Variants in CEP85 observed in about 807,000 individuals in gnomAD.
The protein encoded by CEP85 is centrosomal protein 85.
CEP85 carries 58 observed loss-of-function variants against 93.7 expected under a neutral mutation model. The ratio of observed to expected loss-of-function variants is 0.62; its 90% CI spans 0.50 to 0.77. The LOEUF (loss-of-function observed/expected upper bound fraction) is 0.77. CEP85 is among the 30% of genes least tolerant of loss of function. CEP85 has a pLI of 0.00. For missense variants in CEP85, 868 were observed against 922.0 expected (o/e 0.94, Z 0.76); for synonymous variants, 314 against 338.6 (o/e 0.93, Z 0.80).
rs2089287959 is a variant in CEP85, at chr1:26,234,273, C to G, written c.-60C>G. On this transcript the variant is annotated 5_prime_UTR_variant, in exon 1 of 14. Coordinates refer to ENST00000451429, the MANE Select transcript of CEP85 (RefSeq NM_001319944.2). ...AGACGTGGTGGCTGCAGTCAGTCTTCCCGAGTGAGGGATTTCGCCGCCCGC... is the reference window on the plus strand; with the variant it reads ...AGACGTGGTGGCTGCAGTCAGTCTTGCCGAGTGAGGGATTTCGCCGCCCGC... 6.6e-6 allele frequency: 1 copy of G among 152,252 alleles called. No homozygotes were observed. The highest frequency in any genetic ancestry group is 1.5e-5 in the Non-Finnish European group (1 of 68,092). The allele number at this position is 152,252 out of a possible 1,614,324, so 9.4% of individuals were successfully genotyped here. A position where few individuals can be genotyped will look rare whatever the true frequency, so the allele number is the denominator to read the frequency against.
Position 26,278,371 on chromosome 1 carries a change from T to C in CEP85, c.*1078T>C, listed in dbSNP as rs1197384109. On this transcript the variant is annotated 3_prime_UTR_variant, in exon 14 of 14. Coordinates refer to ENST00000451429, the MANE Select transcript of CEP85 (RefSeq NM_001319944.2). ...TCCTGGTTTAGGGAGCATCTCACAC[T>C]TGTTAGTATCTGGTTGTTGGGCCAG... 6.5e-6 allele frequency: 1 copy of C among 152,676 alleles called. No homozygotes were observed. The highest frequency in any genetic ancestry group is 2.4e-5 in the African/African-American group (1 of 41,460). The allele number at this position is 152,676 out of a possible 1,614,324, so 9.5% of individuals were successfully genotyped here.
chr1:26,236,739 C>T (rs1006315915), intron 1 of CEP85, among the ~76,000 whole-genome samples: 1 of 152,134 alleles, frequency 6.6e-6, no homozygotes, highest in African/African-American at 2.4e-5. Flanking sequence ...ATCCTGATAA[C>T]GTGTGCCCTG....
At chr1:26,260,062 G>A (rs934425215) in intron 7 of CEP85, among the ~76,000 whole-genome samples, 1 of 152,176 alleles carries the variant, frequency 6.6e-6, no homozygotes, top group Non-Finnish European at 1.5e-5. Context: ...AGGTTGTGCT[G>A]TGCAATGTAC....
Position 26,255,763 on chromosome 1 carries a change from G to A in CEP85, c.801G>A (p.Trp267Ter). The A allele has an allele frequency of 1.2e-6, 2 of 1,614,150 alleles. No individual in the cohort carries two copies. The highest frequency in any genetic ancestry group is 1.7e-6 in the Non-Finnish European group (2 of 1,180,028). The change falls in exon 4 of 14, where the codon TGG becomes TGA. Residue 267 changes from tryptophan (W) to a stop codon, truncating the protein, a stop_gained. Transcript: ENST00000451429. LOFTEE classifies it high-confidence loss of function. The stretch of plus-strand genomic sequence containing the variant: ...CCAAGCCTCTGCCCTCTCAGGTGTG[G>A]CAGCCGAGTCCTGACACTTGGCATC... ...GLSKPLPSQV[W>*]QPSPDTWHPR...
chr1:26,238,803 C>T (rs1356390437), intron 1 of CEP85, among the ~76,000 whole-genome samples: 1 of 152,168 alleles, frequency 6.6e-6, no homozygotes, highest in Non-Finnish European at 1.5e-5. Context: ...TTTGTTTAGA[C>T]TTCAAATCCA....
At chr1:26,244,426 G>A (rs2089478777) in intron 3 of CEP85, 108 bp downstream of exon 3, 5 of 986,104 alleles carry the variant, frequency 5.1e-6, no homozygotes, top group South Asian at 1.6e-5. Flanking sequence ...TGTTCATAAC[G>A]TCATTCCATT....
At position 26,278,069 on chromosome 1, in the gene CEP85, G is replaced by A. The variant is rs1049337073; in HGVS notation, c.*776G>A. On this transcript the variant is annotated 3_prime_UTR_variant, in exon 14 of 14. Coordinates refer to ENST00000451429, the MANE Select transcript of CEP85 (RefSeq NM_001319944.2). ...TTAAGAGTGCAAACTCTTCTCTGTG[G>A]TTCTAGCCTTGGGCAGAATTATATC... is the stretch of plus-strand genomic sequence containing the variant. 2 of 152,520 alleles carry A rather than the reference G, an allele frequency of 1.3e-5. No homozygotes were observed. Among genetic ancestry groups the A allele is most frequent in the Non-Finnish European group, 2.9e-5 (2 of 68,048 alleles). 9.4% of individuals were successfully genotyped at this position (152,520 alleles called of 1,614,324 possible).
intron 10 of CEP85, 74 bp downstream of exon 10, chr1:26,271,181 C>T (rs189266207): frequency 0.011 from 10,086 of 950,230 alleles, 87 homozygotes; most frequent in Non-Finnish European, 0.014. Flanking sequence ...AGGAGGGATA[C>T]GTGAATTCTT....
In CEP85 at chr1:26,251,761, T is replaced by C. The variant is rs2089619926; in HGVS notation, c.209-3410T>C. On this transcript the variant is annotated intron_variant, in intron 3 of 13. Transcript: ENST00000451429. ...GGGGGTGTGGGCTCAAAACTGAATT[T>C]GGTGAATCTAGAGAGAGTGGTGCTA... Among the ~76,000 whole-genome samples the C allele has an allele frequency of 2.0e-5, 3 of 152,110 alleles. No homozygotes were observed. The South Asian group carries it at 6.2e-4, about 32-fold the overall frequency.
Position 26,276,555 on chromosome 1 carries a change from C to T in CEP85, c.1923C>T (p.Asp641=), listed in dbSNP as rs1315107034. 1.9e-6 allele frequency: 3 copies of T among 1,614,068 alleles called. No individual in the cohort carries two copies. In the Admixed American group the frequency reaches 5.0e-5, roughly 27 times the overall value. ...CTCAGCTTTCAGTGCAAAACCAGGA[C>T]TTGATTGAGAAGAATCTGACACTCC... is the stretch of plus-strand genomic sequence containing the variant. The part of the protein sequence containing the change: ...AVKELSVQNQ[D]LIEKNLTLQE... Residue 641 remains aspartate, a synonymous_variant, in exon 13 of 14, where the codon GAC becomes GAT. Coordinates refer to ENST00000451429, the MANE Select transcript of CEP85 (RefSeq NM_001319944.2).
chr1:26,245,021 C>A (rs1480221467), intron 3 of CEP85, among the ~76,000 whole-genome samples: 1 of 152,012 alleles, frequency 6.6e-6, no homozygotes, highest in African/African-American at 2.4e-5. Context: ...GTCACCAAGT[C>A]TGAACGTAAA....
rs2089767606 is a variant in CEP85, at chr1:26,259,126, TTAA to T, written c.1156-490_1156-488del. Among the ~76,000 whole-genome samples, 4 of 152,160 alleles carry T rather than the reference TTAA, an allele frequency of 2.6e-5. No homozygotes were observed. In the South Asian group the frequency reaches 8.3e-4, roughly 31 times the overall value. On this transcript the variant is annotated intron_variant, in intron 6 of 13. Transcript: ENST00000451429. ...CAGAATGTTAAGAGTGGGAAGTGCC[TTAA>T]ATAAAACTAGTTAATTCTTCGAATT...
At chr1:26,275,966 G>A (rs1358335745) in intron 12 of CEP85, among the ~76,000 whole-genome samples, 1 of 152,234 alleles carries the variant, frequency 6.6e-6, no homozygotes, top group Non-Finnish European at 1.5e-5. Context: ...GTGAGAGTTT[G>A]AAAAGGCAGG....
In CEP85 at chr1:26,272,028, A is replaced by G. The variant is rs1557668481; in HGVS notation, c.1751A>G (p.Glu584Gly). ...KRYDSLQKIV[E>G]KQQQKMDQLR... Reference sequence around the variant, plus strand: ...GATAACTTTGCCTTTCAGATTGTGGAGAAGCAGCAGCAGAAGATGGATCAG... The same window carrying G: ...GATAACTTTGCCTTTCAGATTGTGGGGAAGCAGCAGCAGAAGATGGATCAG... The change falls in exon 11 of 14, where the codon GAG becomes GGG. Residue 584 changes from glutamate to glycine, a missense_variant. By Grantham distance (98) the Glu-to-Gly change is moderately conservative (BLOSUM62 -2). Coordinates refer to ENST00000451429, the MANE Select transcript of CEP85 (RefSeq NM_001319944.2). 6.2e-7 allele frequency: 1 copy of G among 1,614,090 alleles called. No homozygotes were observed. Among genetic ancestry groups the G allele is most frequent in the Middle Eastern group, 1.6e-4 (1 of 6,062 alleles).
chr1:26,242,831 G>C (rs1163792984), intron 2 of CEP85, among the ~76,000 whole-genome samples: 1 of 152,068 alleles, frequency 6.6e-6, no homozygotes, highest in Non-Finnish European at 1.5e-5. Flanking sequence ...TGGATCACCA[G>C]ATACACCTTA....
chr1:26,248,722 C>CTTTTTTTTTTTTT lies in CEP85; in HGVS notation c.208+4414_208+4426dup, dbSNP rs573449499. 1.4e-3 allele frequency among the ~76,000 whole-genome samples: 77 copies of CTTTTTTTTTTTTT among 56,210 alleles called. 11 individuals carry two copies. Among genetic ancestry groups the CTTTTTTTTTTTTT allele is most frequent in the African/African-American group, 3.1e-3 (38 of 12,380 alleles). The allele number at this position is 56,210 out of a possible 152,430, so 36.9% of individuals were successfully genotyped here. ...TGTTGGCCAGTCTGGGTCTTGAACT[C>CTTTTTTTTTTTTT]TTTTTTTTTTTTTTTTTTTTTTGAG... On this transcript the variant is annotated intron_variant, in intron 3 of 13. Transcript: ENST00000451429.
intron 1 of CEP85, among the ~76,000 whole-genome samples, 172 bp downstream of exon 1, chr1:26,234,482 C>G (rs796489079): frequency 2.0e-5 from 3 of 152,214 alleles, no homozygotes; most frequent in African/African-American, 7.2e-5. Flanking sequence ...CCTCTCGCGT[C>G]CCATTCCCCT....
chr1:26,248,963 C>T (rs1011786873), intron 3 of CEP85, among the ~76,000 whole-genome samples: 4 of 151,984 alleles, frequency 2.6e-5, no homozygotes, highest in African/African-American at 9.7e-5. Context: ...CCTGACCTCA[C>T]GATCTGCCCA....
intron 3 of CEP85, among the ~76,000 whole-genome samples, chr1:26,249,066 A>C (rs1423170062): frequency 1.3e-5 from 2 of 150,560 alleles, no homozygotes; most frequent in Non-Finnish European, 3.0e-5. Context: ...ACATACCATG[A>C]TCCTAATCTT....
Sources: gnomAD v4.1 joint callset for allele counts (sites outside exome capture counted in the v4.1 genomes callset) on GRCh38, gnomAD v4.1.1 for gene constraint, MANE v1.5 for transcripts, NCBI Gene and HGNC (gene_info 2026-07-23, HGNC 2026-07-21) for gene names.